HFM1: variants seen among roughly 807,000 people sequenced by gnomAD.
The protein encoded by HFM1 is probable ATP-dependent DNA helicase HFM1.
A neutral mutation model predicts 192.1 loss-of-function variants in HFM1; 169 were observed. The observed-to-expected ratio is 0.88, with a 90% CI of 0.78 to 1.00. HFM1 has a LOEUF of 1.00. Among genes scored for constraint, HFM1 ranks in the 50% least tolerant of loss-of-function variants. HFM1 has a pLI of 0.00. For missense variants in HFM1, 1,661 were observed against 1,668.0 expected, an observed-to-expected ratio of 1.00 and a Z score of 0.07; for synonymous variants, 525 against 537.8, an observed-to-expected ratio of 0.98 and a Z score of 0.33.
chr1:91,346,392 T>A (rs1243821611), intron 19 of HFM1, among the ~76,000 whole-genome samples: 3 of 152,228 alleles, frequency 2.0e-5, no homozygotes, highest in Non-Finnish European at 4.4e-5. Flanking sequence ...ACCTTGAAGA[T>A]AACACAACTT....
chr1:91,312,920 T>A (rs1202701144), intron 30 of HFM1, among the ~76,000 whole-genome samples: 1 of 152,130 alleles, frequency 6.6e-6, no homozygotes. Context: ...GTAAGTCTCA[T>A]GAGATCTGAT....
chr1:91,329,220 C>A, intron 20 of HFM1: 1 of 1,609,612 alleles, frequency 6.2e-7, no homozygotes. Context: ...GGCTTACCAG[C>A]TCTTCTTGGA....
intron 13 of HFM1, among the ~76,000 whole-genome samples, chr1:91,374,469 T>G (rs1310312862): frequency 1.3e-5 from 2 of 152,186 alleles, no homozygotes; most frequent in African/African-American, 4.8e-5. Flanking sequence ...TACTAGTGAC[T>G]TGAATTAGGG....
chr1:91,283,253 T>A (rs1194044119), intron 30 of HFM1, among the ~76,000 whole-genome samples: 1 of 152,172 alleles, frequency 6.6e-6, no homozygotes, highest in African/African-American at 2.4e-5. Context: ...ATCTAAGCTG[T>A]ACTCTTCTGA....
intron 25 of HFM1, among the ~76,000 whole-genome samples, chr1:91,316,847 GA>G (rs546079122): frequency 4.6e-4 from 70 of 152,160 alleles, no homozygotes; most frequent in African/African-American, 1.6e-3. Flanking sequence ...TGAAGCGAGG[GA>G]ATACTGCTTT....
intron 30 of HFM1, among the ~76,000 whole-genome samples, chr1:91,305,431 G>T (rs529426851): frequency 2.0e-5 from 3 of 151,590 alleles, no homozygotes; most frequent in Non-Finnish European, 4.4e-5. Context: ...TGATGCTATT[G>T]TACAATTGTT....
At chr1:91,365,936 C>A (rs1417552480) in intron 13 of HFM1, among the ~76,000 whole-genome samples, 3 of 135,772 alleles carry the variant, frequency 2.2e-5, no homozygotes, top group East Asian at 2.2e-4. Flanking sequence ...CACTGTAATT[C>A]AAATCTGAGT....
intron 36 of HFM1, among the ~76,000 whole-genome samples, chr1:91,264,092 A>G (rs1056877927): frequency 6.6e-6 from 1 of 152,128 alleles, no homozygotes; most frequent in African/African-American, 2.4e-5. Context: ...CAAATGTTTT[A>G]AAAAGCTATT....
intron 30 of HFM1, among the ~76,000 whole-genome samples, chr1:91,309,945 C>T (rs1650191816): frequency 6.6e-6 from 1 of 151,548 alleles, no homozygotes; most frequent in Admixed American, 6.6e-5. Context: ...AAAAAAAAGG[C>T]TTCTTGGACA....
chr1:91,402,983 A>G (rs921552294), intron 1 of HFM1, among the ~76,000 whole-genome samples: 1 of 152,184 alleles, frequency 6.6e-6, no homozygotes, highest in African/African-American at 2.4e-5. Flanking sequence ...TAGTTCTAGC[A>G]TACAAGAATA....
chr1:91,356,156 G>A (rs988572362), intron 13 of HFM1, among the ~76,000 whole-genome samples: 4 of 151,538 alleles, frequency 2.6e-5, no homozygotes, highest in Admixed American at 2.6e-4. Flanking sequence ...AAACCAAAAG[G>A]GAAATTAAAA....
At chr1:91,380,849 C>G in intron 7 of HFM1, 63 bp downstream of exon 7, 2 of 797,230 alleles carry the variant, frequency 2.5e-6, no homozygotes, top group East Asian at 5.1e-5. Context: ...CCCAGCTGTC[C>G]CAATCTAGTG....
chr1:91,261,325 T>A lies in HFM1; in HGVS notation c.4273A>T (p.Lys1425Ter). ...YHPDDEADEM[K>*]SLLGIFDGIF The stretch of plus-strand genomic sequence containing the variant: ...CCATCAAATATTCCCAATAAAGACT[T>A]CATTTCATCAGCTTCATCATCAGGA... Residue 1425 changes from lysine to a stop codon, truncating the protein, a stop_gained, in exon 39 of 39, where the codon AAG becomes TAG. Coordinates refer to ENST00000370425, the MANE Select transcript of HFM1 (RefSeq NM_001017975.6). LOFTEE classifies it high-confidence loss of function. 7.0e-7 allele frequency: 1 copy of A among 1,427,186 alleles called. No homozygotes were observed. The allele number at this position is 1,427,186 out of a possible 1,614,324, so 88.4% of individuals were successfully genotyped here.
chr1:91,330,514 C>A (rs146337820), intron 20 of HFM1, among the ~76,000 whole-genome samples: 4 of 152,206 alleles, frequency 2.6e-5, no homozygotes, highest in Middle Eastern at 3.4e-3. Flanking sequence ...ATAATAAAGT[C>A]TCCCTGTAAA....
At chr1:91,281,005 A>T (rs1667411588) in intron 30 of HFM1, among the ~76,000 whole-genome samples, 1 of 152,234 alleles carries the variant, frequency 6.6e-6, no homozygotes, top group African/African-American at 2.4e-5. Flanking sequence ...TTAGATTCTA[A>T]GAGCTATGGG....
In HFM1 at chr1:91,276,757, C is replaced by T. The variant is rs555016473; in HGVS notation, c.3473-14G>A. 18 of 1,219,720 alleles carry T rather than the reference C, an allele frequency of 1.5e-5. No homozygotes were observed. The Admixed American group carries it at 4.1e-4, about 28-fold the overall frequency. The allele number at this position is 1,219,720 out of a possible 1,614,324, so 75.6% of individuals were successfully genotyped here. ...CTCCAATTTTACCTATGAAAAGAAA[C>T]TTCAGATTCTTTAGGTTAAACTTCA... On this transcript the variant is annotated splice_polypyrimidine_tract_variant and intron_variant, in intron 31 of 38. Coordinates refer to ENST00000370425, the MANE Select transcript of HFM1 (RefSeq NM_001017975.6).
At position 91,302,270 on chromosome 1, in the gene HFM1, A is replaced by C. The variant is rs866578610; in HGVS notation, c.3391+11079T>G. On this transcript the variant is annotated intron_variant, in intron 30 of 38. Transcript: ENST00000370425. ...ACCAGTTAGAATGGTGATCATTAAA[A>C]AGTCAGGAAACAACAGGTGCTGGAG... Among the ~76,000 whole-genome samples, 6 of 151,876 alleles carry C rather than the reference A, an allele frequency of 4.0e-5. No homozygotes were observed. In the South Asian group the frequency reaches 1.0e-3, roughly 26 times the overall value.
intron 30 of HFM1, among the ~76,000 whole-genome samples, chr1:91,293,326 A>G (rs1669000224): frequency 1.3e-5 from 2 of 152,198 alleles, no homozygotes; most frequent in African/African-American, 4.8e-5. Flanking sequence ...TAATATCCAG[A>G]ATCTACAAAG....
chr1:91,338,014 G>C (rs1458314838), intron 20 of HFM1, among the ~76,000 whole-genome samples: 1 of 152,194 alleles, frequency 6.6e-6, no homozygotes, highest in Non-Finnish European at 1.5e-5. Flanking sequence ...ACCCTAGGTA[G>C]AAGCTGGGAA....
Sources: allele counts gnomAD v4.1 joint callset (sites outside exome capture counted in the v4.1 genomes callset), GRCh38; gene constraint gnomAD v4.1.1; transcripts MANE v1.5; gene names NCBI Gene and HGNC (gene_info 2026-07-23, HGNC 2026-07-21).